The following FOXK2 variants were observed in gnomAD, a reference collection of about 807,000 sequenced individuals.
The protein encoded by FOXK2 is forkhead box protein K2.
In FOXK2, 24 loss-of-function variants were observed where a neutral mutation model predicts 53.3. The ratio of observed to expected loss-of-function variants is 0.45; its 90% CI spans 0.33 to 0.63. The LOEUF is 0.63. FOXK2 is among the 30% of genes least tolerant of loss of function. The probability of loss-of-function intolerance (pLI) is 0.03; values close to 1 mark genes in which losing one functional copy is unlikely to be tolerated. For missense variants in FOXK2, 952 were observed against 910.5 expected, an observed-to-expected ratio of 1.05 and a Z score of -0.59; for synonymous variants, 505 against 407.1, an observed-to-expected ratio of 1.24 and a Z score of -2.89.
rs757155798 is a variant in FOXK2 at position 82,604,583 on chromosome 17, A to C, written c.*3084A>C. 4 of 152,520 alleles carry C rather than the reference A, an allele frequency of 2.6e-5. No individual in the cohort carries two copies. The highest frequency in any genetic ancestry group is 5.9e-5 in the Non-Finnish European group (4 of 68,030). The allele number at this position is 152,520 out of a possible 1,614,324, so 9.4% of individuals were successfully genotyped here. On this transcript the variant is annotated 3_prime_UTR_variant, in exon 9 of 9. Transcript: ENST00000335255. ...GTACCAAGTTCCTGAAATTCAATAA[A>C]ATATTTTTATTAATTTTAATGGAAT...
intron 1 of FOXK2, among the ~76,000 whole-genome samples, chr17:82,553,052 C>G (rs1358111706): frequency 6.6e-6 from 1 of 152,214 alleles, no homozygotes; most frequent in Non-Finnish European, 1.5e-5. Flanking sequence ...TCTCCTGCCT[C>G]AGCCTCCGGA....
At chr17:82,529,520 C>G (rs2044452121) in intron 1 of FOXK2, among the ~76,000 whole-genome samples, 1 of 151,758 alleles carries the variant, frequency 6.6e-6, no homozygotes. Flanking sequence ...CTCCTGAGTA[C>G]CTGGGATTAC....
At position 82,587,288 on chromosome 17, in the gene FOXK2, C is replaced by A; in HGVS notation, c.1786+16C>A. 6.2e-7 allele frequency: 1 copy of A among 1,602,508 alleles called. No homozygotes were observed. The highest frequency in any genetic ancestry group is 1.1e-5 in the South Asian group (1 of 90,822). On this transcript the variant is annotated intron_variant, in intron 8 of 8. Transcript: ENST00000335255. The stretch of plus-strand genomic sequence containing the variant: ...GTGAACAATGGTAAGACATGCTGGT[C>A]GGTGGCTCCCCGTGGCTGTGGGTAC...
intron 4 of FOXK2, among the ~76,000 whole-genome samples, chr17:82,581,298 C>A (rs544618610): frequency 4.0e-4 from 61 of 152,180 alleles, no homozygotes; most frequent in Non-Finnish European, 1.0e-4. Context: ...TCTGTCAACT[C>A]TTAGCTGGGC....
In FOXK2 at chr17:82,519,882, C is replaced by G. The variant is rs2044340739; in HGVS notation, c.-7C>G. ...GCGGAGCGGCCCGGGGGCCCTCACGCAGGCCCATGGCGGCGGCCGCGGCGG... is the reference window on the plus strand; with the variant it reads ...GCGGAGCGGCCCGGGGGCCCTCACGGAGGCCCATGGCGGCGGCCGCGGCGG... On this transcript the variant is annotated 5_prime_UTR_variant, in exon 1 of 9. Transcript: ENST00000335255. 1 of 977,074 alleles carries G rather than the reference C, an allele frequency of 1.0e-6. No individual in the cohort carries two copies. The highest frequency in any genetic ancestry group is 1.2e-6 in the Non-Finnish European group (1 of 826,138). 60.5% of individuals were successfully genotyped at this position (977,074 alleles called of 1,614,324 possible). A position where few individuals can be genotyped will look rare whatever the true frequency, so the allele number is the denominator to read the frequency against.
Position 82,603,713 on chromosome 17 carries a change from G to C in FOXK2, c.*2214G>C, listed in dbSNP as rs1202072539. The stretch of plus-strand genomic sequence containing the variant: ...TCCATTCAAATGGTAAAGAAGGGAG[G>C]AGGGTGTTTTTTTTTTTTTTTTTTG... On this transcript the variant is annotated 3_prime_UTR_variant, in exon 9 of 9. Coordinates refer to ENST00000335255, the MANE Select transcript of FOXK2 (RefSeq NM_004514.4). 9 of 111,412 alleles carry C rather than the reference G, an allele frequency of 8.1e-5. No homozygotes were observed. In the East Asian group the frequency reaches 2.3e-3, roughly 28 times the overall value. 6.9% of individuals were successfully genotyped at this position (111,412 alleles called of 1,614,324 possible).
chr17:82,537,369 C>A (rs1042305754), intron 1 of FOXK2, among the ~76,000 whole-genome samples: 1 of 151,968 alleles, frequency 6.6e-6, no homozygotes, highest in African/African-American at 2.4e-5. Context: ...CATTGCCGGG[C>A]GGGCACGGTG....
At chr17:82,587,331 C>G (rs779481564) in intron 8 of FOXK2, 59 bp downstream of exon 8, 9 of 1,334,016 alleles carry the variant, frequency 6.7e-6, no homozygotes, top group Non-Finnish European at 7.5e-6. Context: ...AGAGCCCCTT[C>G]TCACTCGTGG....
intron 1 of FOXK2, among the ~76,000 whole-genome samples, chr17:82,551,437 A>T (rs1031272971): frequency 6.6e-6 from 1 of 152,018 alleles, no homozygotes; most frequent in Non-Finnish European, 1.5e-5. Context: ...GCACTTTGGG[A>T]GGTCAAGGCG....
intron 7 of FOXK2, among the ~76,000 whole-genome samples, chr17:82,586,596 A>G (rs113253186): frequency 4.5e-4 from 68 of 151,960 alleles, no homozygotes; most frequent in African/African-American, 1.5e-3. Context: ...CACTCTGGGA[A>G]GTCCATAAGA....
At chr17:82,567,311 A>T (rs2044862668) in intron 2 of FOXK2, among the ~76,000 whole-genome samples, 1 of 152,248 alleles carries the variant, frequency 6.6e-6, no homozygotes, top group African/African-American at 2.4e-5. Flanking sequence ...GAAGTGCAGA[A>T]AATGAGGCAT....
chr17:82,570,031 G>C lies in FOXK2; in HGVS notation c.763-1693G>C, dbSNP rs149799981. ...AGGTCAGGAGATCGAGACCATCCTG[G>C]CTAACACGGTGAAATCCCGTCTGTA... On this transcript the variant is annotated intron_variant, in intron 3 of 8. Transcript: ENST00000335255. Among the ~76,000 whole-genome samples, 103 of 151,022 alleles carry C rather than the reference G, an allele frequency of 6.8e-4. 1 individual carries two copies. The East Asian group carries it at 0.019, about 28-fold the overall frequency.
At chr17:82,522,592 C>T (rs960512216) in intron 1 of FOXK2, among the ~76,000 whole-genome samples, 3 of 151,186 alleles carry the variant, frequency 2.0e-5, no homozygotes, top group Admixed American at 2.0e-4. Context: ...AGGATGGTCT[C>T]GATCTCCTGA....
At chr17:82,537,938 C>A (rs988274997) in intron 1 of FOXK2, among the ~76,000 whole-genome samples, 11 of 145,634 alleles carry the variant, frequency 7.6e-5, no homozygotes, top group African/African-American at 2.8e-4. Context: ...AAAAAAAAAT[C>A]CGTGGCCAGG....
In FOXK2 at chr17:82,594,661, G is replaced by A. The variant is rs185631503; in HGVS notation, c.1787-6642G>A. Reference sequence around the variant, plus strand: ...AGTGAGGACCCTCAGGGTGGGGAACGTCCCCTTGTGAGTGTCTGCAGATTG... The same window carrying A: ...AGTGAGGACCCTCAGGGTGGGGAACATCCCCTTGTGAGTGTCTGCAGATTG... On this transcript the variant is annotated intron_variant, in intron 8 of 8. Transcript: ENST00000335255. Among the ~76,000 whole-genome samples the A allele has an allele frequency of 3.9e-5, 6 of 152,316 alleles. No homozygotes were observed. The South Asian group carries it at 6.2e-4, about 16-fold the overall frequency.
chr17:82,578,044 C>G (rs2045010699), intron 4 of FOXK2: 1 of 152,400 alleles, frequency 6.6e-6, no homozygotes, highest in Non-Finnish European at 1.5e-5. Flanking sequence ...GTCACTTGAT[C>G]TCTTTTAAAG....
At chr17:82,522,832 G>A in intron 1 of FOXK2, among the ~76,000 whole-genome samples, 1 of 151,924 alleles carries the variant, frequency 6.6e-6, no homozygotes, top group East Asian at 1.9e-4. Flanking sequence ...GTCTCGCTCT[G>A]TTGCCAGGCT....
chr17:82,558,378 C>G (rs1475813475), intron 1 of FOXK2, among the ~76,000 whole-genome samples: 1 of 152,208 alleles, frequency 6.6e-6, no homozygotes, highest in African/African-American at 2.4e-5. Context: ...GGAAGGATGG[C>G]TCAGTGTGGC....
intron 6 of FOXK2, 66 bp downstream of exon 6, chr17:82,584,254 A>G: frequency 1.4e-6 from 2 of 1,459,754 alleles, no homozygotes; most frequent in South Asian, 1.4e-5. Flanking sequence ...CCTGGGCTCC[A>G]CAGAGAAGAA....
Sources: allele counts gnomAD v4.1 joint callset (sites outside exome capture counted in the v4.1 genomes callset), GRCh38; gene constraint gnomAD v4.1.1; transcripts MANE v1.5; gene names NCBI Gene and HGNC (gene_info 2026-07-23, HGNC 2026-07-21).